The following PTGIS variants were observed in gnomAD, a reference collection of about 807,000 sequenced individuals.
The protein encoded by PTGIS is prostaglandin I2 synthase.
In PTGIS, 45 loss-of-function variants were observed where a neutral mutation model predicts 50.3. The ratio of observed to expected loss-of-function variants is 0.90; its 90% CI spans 0.70 to 1.15. PTGIS has a LOEUF of 1.15. Among genes scored for constraint, PTGIS ranks in the 50% most tolerant of loss-of-function variants. The pLI is 0.00. For synonymous variants in PTGIS, 260 were observed against 267.7 expected (o/e 0.97, Z 0.28); for missense variants, 668 against 661.3 (o/e 1.01, Z -0.11).
chr20:49,544,449 C>G lies in PTGIS; in HGVS notation c.378-1G>C. ...CTGGAGCTCTCTGTGGAGAAGAGTC[C>G]TGAGGCAGGAAACAAAAGCATGAAA... On this transcript the variant is annotated splice_acceptor_variant, in intron 3 of 9. Coordinates refer to ENST00000244043, the MANE Select transcript of PTGIS (RefSeq NM_000961.4). LOFTEE classifies it high-confidence loss of function. The G allele has an allele frequency of 6.2e-7, 1 of 1,614,106 alleles. No homozygotes were observed. The highest frequency in any genetic ancestry group is 8.5e-7 in the Non-Finnish European group (1 of 1,180,010).
At position 49,505,202 on chromosome 20, in the gene PTGIS, C is replaced by T. The variant is rs1981116227; in HGVS notation, c.*2718G>A. On this transcript the variant is annotated 3_prime_UTR_variant, in exon 10 of 10. Transcript: ENST00000244043. Reference sequence around the variant, plus strand: ...AGAAAGAAAGAAAGAGTATTCCTAACATATGTCCAGTAATTTTGATTCTTA... The same window carrying T: ...AGAAAGAAAGAAAGAGTATTCCTAATATATGTCCAGTAATTTTGATTCTTA... The T allele has an allele frequency of 6.6e-6, 1 of 150,968 alleles. No homozygotes were observed. The highest frequency in any genetic ancestry group is 2.4e-5 in the African/African-American group (1 of 40,942). 9.4% of individuals were successfully genotyped at this position (150,968 alleles called of 1,614,324 possible).
At chr20:49,538,376 T>G (rs1982136530) in intron 5 of PTGIS, among the ~76,000 whole-genome samples, 1 of 146,530 alleles carries the variant, frequency 6.8e-6, no homozygotes, top group Non-Finnish European at 1.5e-5. Flanking sequence ...CCAGTATAGG[T>G]AACATAGCAA....
intron 1 of PTGIS, among the ~76,000 whole-genome samples, chr20:49,555,725 C>T (rs111283671): frequency 0.041 from 6,288 of 152,266 alleles, 419 homozygotes; most frequent in African/African-American, 0.14. Flanking sequence ...AACCAAATTT[C>T]CTTGTCAATT....
intron 5 of PTGIS, among the ~76,000 whole-genome samples, chr20:49,530,447 G>GC (rs1981908307): frequency 2.0e-5 from 3 of 152,206 alleles, no homozygotes. Flanking sequence ...ATACCTAGAA[G>GC]AGGGATTGCT....
chr20:49,547,634 C>T lies in PTGIS; in HGVS notation c.377+207G>A, dbSNP rs1028739471. On this transcript the variant is annotated intron_variant, in intron 3 of 9. Coordinates refer to ENST00000244043, the MANE Select transcript of PTGIS (RefSeq NM_000961.4). ...ACAAACAAACAAACAAACAAACAAA[C>T]AAAAAAACCCGCCAGAGATGAGAGA... Among the ~76,000 whole-genome samples, 4 of 151,906 alleles carry T rather than the reference C, an allele frequency of 2.6e-5. No homozygotes were observed. In the South Asian group the frequency reaches 8.4e-4, roughly 32 times the overall value.
chr20:49,505,592 C>G lies in PTGIS; in HGVS notation c.*2328G>C, dbSNP rs1054206402. 1 of 152,580 alleles carries G rather than the reference C, an allele frequency of 6.6e-6. No individual in the cohort carries two copies. Among genetic ancestry groups the G allele is most frequent in the Non-Finnish European group, 1.5e-5 (1 of 68,054 alleles). The allele number at this position is 152,580 out of a possible 1,614,324, so 9.5% of individuals were successfully genotyped here. On this transcript the variant is annotated 3_prime_UTR_variant, in exon 10 of 10. Coordinates refer to ENST00000244043, the MANE Select transcript of PTGIS (RefSeq NM_000961.4). ...AGGGGGGAGTCATAAGGGTTTTCGCCCAGCACACCAGGGTTGCAGCCTGCG... is the reference window on the plus strand; with the variant it reads ...AGGGGGGAGTCATAAGGGTTTTCGCGCAGCACACCAGGGTTGCAGCCTGCG...
chr20:49,548,097 T>A, intron 2 of PTGIS, 78 bp from the exon 3 acceptor site: 1 of 1,390,450 alleles, frequency 7.2e-7, no homozygotes, highest in Non-Finnish European at 1.0e-6. Flanking sequence ...GGCCTTACTG[T>A]GTGCCAGGCA....
intron 1 of PTGIS, among the ~76,000 whole-genome samples, chr20:49,550,785 C>T (rs1264830554): frequency 2.6e-5 from 4 of 152,232 alleles, no homozygotes; most frequent in African/African-American, 4.8e-5. Flanking sequence ...GTATTACTTG[C>T]TTCCAACAAG....
At chr20:49,537,327 A>G (rs552749235) in intron 5 of PTGIS, among the ~76,000 whole-genome samples, 8 of 152,346 alleles carry the variant, frequency 5.3e-5, no homozygotes, top group African/African-American at 1.9e-4. Flanking sequence ...TACCAACACT[A>G]AGTACGCTCT....
chr20:49,549,998 T>A, intron 2 of PTGIS, 68 bp downstream of exon 2: 1 of 1,612,304 alleles, frequency 6.2e-7, no homozygotes, highest in South Asian at 1.1e-5. Flanking sequence ...GTTGAAGGAA[T>A]CAACAGAAAC....
intron 3 of PTGIS, among the ~76,000 whole-genome samples, chr20:49,547,411 C>T (rs1982385576): frequency 1.3e-5 from 2 of 152,082 alleles, no homozygotes; most frequent in African/African-American, 4.8e-5. Context: ...ATGCATGCTG[C>T]CTGGCAGAGT....
rs142321661 is a variant in PTGIS at position 49,566,178 on chromosome 20, C to T, written c.74+1865G>A. On this transcript the variant is annotated intron_variant, in intron 1 of 9. Transcript: ENST00000244043. ...CCAGGAGGCAGAGGTTGCGGTGAGC[C>T]GAGATCGTGCCATTGCACTCCAGCC... Among the ~76,000 whole-genome samples, 1,126 of 152,214 alleles carry T rather than the reference C, an allele frequency of 7.4e-3. 14 individuals carry two copies. The highest frequency in any genetic ancestry group is 0.025 in the African/African-American group (1,056 of 41,538).
chr20:49,561,721 C>T (rs1247705844), intron 1 of PTGIS, among the ~76,000 whole-genome samples: 1 of 152,196 alleles, frequency 6.6e-6, no homozygotes, highest in Admixed American at 6.5e-5. Context: ...CCTCTATTTC[C>T]TCATCTGTAA....
intron 5 of PTGIS, among the ~76,000 whole-genome samples, chr20:49,534,639 T>G (rs369250341): frequency 6.6e-5 from 10 of 152,284 alleles, no homozygotes; most frequent in African/African-American, 2.4e-4. Context: ...AGACCAAGTT[T>G]CCACCTACCA....
intron 1 of PTGIS, among the ~76,000 whole-genome samples, chr20:49,550,881 G>A (rs1982489871): frequency 1.3e-5 from 2 of 152,218 alleles, no homozygotes; most frequent in Non-Finnish European, 1.5e-5. Context: ...AGGAAGGCAA[G>A]TTTGAAGTTT....
intron 1 of PTGIS, among the ~76,000 whole-genome samples, chr20:49,558,571 G>A (rs1038174787): frequency 2.6e-5 from 4 of 152,144 alleles, no homozygotes; most frequent in Admixed American, 2.0e-4. Context: ...AATTGAAAAC[G>A]TTGGATCTTA....
chr20:49,547,605 C>CCAAA (rs113839455), intron 3 of PTGIS, among the ~76,000 whole-genome samples: 17,284 of 144,526 alleles, frequency 0.12, 1,348 homozygotes, highest in African/African-American at 0.22. Flanking sequence ...AGGGCTGCCT[C>CCAAA]CAAACAAACA....
intron 8 of PTGIS, 147 bp downstream of exon 8, chr20:49,512,933 A>C: frequency 1.1e-6 from 1 of 917,476 alleles, no homozygotes; most frequent in Non-Finnish European, 1.7e-6. Context: ...ACAGGTGAGG[A>C]AGCAAACACA....
At position 49,510,035 on chromosome 20, in the gene PTGIS, C is replaced by T. The variant is rs1294802245; in HGVS notation, c.1358+993G>A. 3.3e-5 allele frequency among the ~76,000 whole-genome samples: 5 copies of T among 151,780 alleles called. No individual in the cohort carries two copies. The East Asian group carries it at 9.7e-4, about 29-fold the overall frequency. The stretch of plus-strand genomic sequence containing the variant: ...TCCTGAGTAGTTGGGATTACAGGCA[C>T]GCTCCACCACACCCGGCCAATTTTT... On this transcript the variant is annotated intron_variant, in intron 9 of 9. Coordinates refer to ENST00000244043, the MANE Select transcript of PTGIS (RefSeq NM_000961.4).
Sources: gnomAD v4.1 joint callset for allele counts (sites outside exome capture counted in the v4.1 genomes callset) on GRCh38, gnomAD v4.1.1 for gene constraint, MANE v1.5 for transcripts, NCBI Gene and HGNC (gene_info 2026-07-23, HGNC 2026-07-21) for gene names.